ALCAM: variants seen among roughly 807,000 people sequenced by gnomAD.
The protein encoded by ALCAM is activated leukocyte cell adhesion molecule.
A neutral mutation model predicts 70.9 loss-of-function variants in ALCAM; 30 were observed. That is an observed-to-expected ratio of 0.42 (90% CI 0.32 to 0.57). The LOEUF is 0.57. Ranked by LOEUF, ALCAM falls within the 20% of genes least tolerant of loss-of-function variation. ALCAM has a pLI of 0.11. For missense variants in ALCAM, 591 were observed against 695.1 expected (o/e 0.85, Z 1.68); for synonymous variants, 249 against 242.5 (o/e 1.03, Z -0.25).
In ALCAM at chr3:105,544,988, A is replaced by C. The variant is rs75824973; in HGVS notation, c.992-235A>C. The C allele has an allele frequency of 5.2e-3, 2,206 of 426,160 alleles. 55 individuals carry two copies. The highest frequency in any genetic ancestry group is 0.042 in the African/African-American group (2,072 of 49,216). 26.4% of individuals were successfully genotyped at this position (426,160 alleles called of 1,614,324 possible). A position where few individuals can be genotyped will look rare whatever the true frequency, so the allele number is the denominator to read the frequency against. On this transcript the variant is annotated intron_variant, in intron 8 of 15. Coordinates refer to ENST00000306107, the MANE Select transcript of ALCAM (RefSeq NM_001627.4). Reference sequence around the variant, plus strand: ...TCAAAATATCAATCACGTTAACTGCAAATAAATGGATAATCAATTAGATTG... The same window carrying C: ...TCAAAATATCAATCACGTTAACTGCCAATAAATGGATAATCAATTAGATTG...
chr3:105,534,513 G>A (rs1271599062), intron 5 of ALCAM, 150 bp from the exon 6 acceptor site: 2 of 675,766 alleles, frequency 3.0e-6, no homozygotes, highest in East Asian at 2.7e-5. Context: ...GTTTTGAAAC[G>A]ACATCTAACC....
intron 1 of ALCAM, among the ~76,000 whole-genome samples, chr3:105,377,191 A>C (rs1935399594): frequency 6.6e-6 from 1 of 152,174 alleles, no homozygotes; most frequent in Non-Finnish European, 1.5e-5. Context: ...ATTTTTAAAA[A>C]GTGTGCATTG....
At chr3:105,385,149 A>G (rs555016103) in intron 1 of ALCAM, among the ~76,000 whole-genome samples, 2 of 151,760 alleles carry the variant, frequency 1.3e-5, no homozygotes, top group East Asian at 3.9e-4. Context: ...CCACAAACAT[A>G]TAAAAATATA....
intron 2 of ALCAM, 40 bp from the exon 3 acceptor site, chr3:105,524,249 A>G: frequency 1.3e-6 from 2 of 1,490,550 alleles, no homozygotes; most frequent in African/African-American, 1.4e-5. Flanking sequence ...AAACATCTGA[A>G]TATGCTTGTG....
intron 14 of ALCAM, among the ~76,000 whole-genome samples, chr3:105,570,692 C>A (rs923243714): frequency 2.0e-5 from 3 of 152,126 alleles, no homozygotes; most frequent in African/African-American, 7.2e-5. Flanking sequence ...ATCCTATAGA[C>A]CAATGAGAAT....
Position 105,409,403 on chromosome 3 carries a change from A to C in ALCAM, c.73+41922A>C, listed in dbSNP as rs192312035. On this transcript the variant is annotated intron_variant, in intron 1 of 15. Coordinates refer to ENST00000306107, the MANE Select transcript of ALCAM (RefSeq NM_001627.4). ...AAAAAGGAAGGAAATAATGATATTC[A>C]CAGCAACCTGTATAGAATTGGAGAC... 1.2e-3 allele frequency among the ~76,000 whole-genome samples: 180 copies of C among 152,236 alleles called. 1 individual carries two copies. The highest frequency in any genetic ancestry group is 3.5e-3 in the Admixed American group (53 of 15,254).
chr3:105,541,856 C>T, intron 8 of ALCAM, 91 bp downstream of exon 8: 1 of 1,456,096 alleles, frequency 6.9e-7, no homozygotes, highest in East Asian at 2.3e-5. Context: ...GCACGTATAT[C>T]TTTCTTAAAT....
At chr3:105,423,790 C>A (rs905256729) in intron 1 of ALCAM, among the ~76,000 whole-genome samples, 55 of 151,658 alleles carry the variant, frequency 3.6e-4, no homozygotes, top group Non-Finnish European at 6.2e-4. Context: ...AACTCTTGAG[C>A]TTGTAGTTGA....
intron 14 of ALCAM, among the ~76,000 whole-genome samples, chr3:105,560,574 G>C (rs1368911014): frequency 1.3e-5 from 2 of 151,922 alleles, no homozygotes; most frequent in Admixed American, 1.3e-4. Context: ...TATTATGTTC[G>C]TGCTTTTTGT....
intron 1 of ALCAM, among the ~76,000 whole-genome samples, chr3:105,388,684 G>A (rs1352711921): frequency 6.6e-6 from 1 of 151,222 alleles, no homozygotes; most frequent in East Asian, 1.9e-4. Context: ...CTAAATATTC[G>A]GTTATAGAAA....
intron 3 of ALCAM, among the ~76,000 whole-genome samples, chr3:105,526,081 A>C (rs1011350650): frequency 1.3e-5 from 2 of 152,156 alleles, no homozygotes; most frequent in Non-Finnish European, 2.9e-5. Flanking sequence ...TCATAATATA[A>C]CCAGACATCA....
intron 14 of ALCAM, among the ~76,000 whole-genome samples, chr3:105,563,667 C>CTTTTTTTTTTTTTTTTTTTTTTTT (rs749625480): frequency 1.9e-5 from 1 of 52,034 alleles, no homozygotes; most frequent in Non-Finnish European, 3.0e-5. Context: ...CCAAGCATTT[C>CTTTTTTTTTTTTTTTTTTTTTTTT]TTTTTTTTTT....
In ALCAM at chr3:105,418,212, T is replaced by C. The variant is rs557112685; in HGVS notation, c.73+50731T>C. Among the ~76,000 whole-genome samples the C allele has an allele frequency of 3.9e-5, 6 of 151,982 alleles. No homozygotes were observed. The South Asian group carries it at 1.2e-3, about 32-fold the overall frequency. ...TTTAAAATGTCTCTTACTTGATATG[T>C]AAAGGAAAACAGAACAAAGGCATTG... On this transcript the variant is annotated intron_variant, in intron 1 of 15. Coordinates refer to ENST00000306107, the MANE Select transcript of ALCAM (RefSeq NM_001627.4).
chr3:105,426,987 G>A (rs989338674), intron 1 of ALCAM, among the ~76,000 whole-genome samples: 2 of 151,820 alleles, frequency 1.3e-5, no homozygotes, highest in Non-Finnish European at 2.9e-5. Context: ...AAATTCATCT[G>A]TCTTCCTCAA....
chr3:105,509,216 T>C (rs758610273), intron 1 of ALCAM, among the ~76,000 whole-genome samples: 1 of 152,120 alleles, frequency 6.6e-6, no homozygotes, highest in Non-Finnish European at 1.5e-5. Context: ...TCCTTTCTTT[T>C]AGGCATATAC....
intron 1 of ALCAM, among the ~76,000 whole-genome samples, chr3:105,433,201 C>T (rs13092913): frequency 0.26 from 39,842 of 151,972 alleles, 5,690 homozygotes; most frequent in Admixed American, 0.45. Context: ...TTTCACCATT[C>T]TAGGTGCCCA....
chr3:105,509,543 G>GT (rs1348638940), intron 1 of ALCAM, among the ~76,000 whole-genome samples: 9 of 151,330 alleles, frequency 5.9e-5, no homozygotes, highest in East Asian at 3.9e-4. Context: ...TCATGTGCCT[G>GT]TTTTTTTTAT....
intron 1 of ALCAM, among the ~76,000 whole-genome samples, chr3:105,496,614 C>T (rs1938745753): frequency 6.6e-6 from 1 of 152,184 alleles, no homozygotes; most frequent in African/African-American, 2.4e-5. Context: ...AGTCACTCAG[C>T]ATGCCCCCTC....
At chr3:105,514,090 T>C (rs775061873) in intron 1 of ALCAM, among the ~76,000 whole-genome samples, 1 of 151,944 alleles carries the variant, frequency 6.6e-6, no homozygotes, top group African/African-American at 2.4e-5. Flanking sequence ...CTCAATCTCA[T>C]TGCTGGGATT....
Sources: gnomAD v4.1 joint callset for allele counts (sites outside exome capture counted in the v4.1 genomes callset) on GRCh38, gnomAD v4.1.1 for gene constraint, MANE v1.5 for transcripts, NCBI Gene and HGNC (gene_info 2026-07-23, HGNC 2026-07-21) for gene names.